The following MAF variants were observed in gnomAD, a reference collection of about 807,000 sequenced individuals.
The protein encoded by MAF is MAF bZIP transcription factor, also known as transcription factor Maf.
A neutral mutation model predicts 22.0 loss-of-function variants in MAF; 10 were observed. The ratio of observed to expected loss-of-function variants is 0.45; its 90% confidence interval spans 0.28 to 0.77. The LOEUF is 0.77. Ranked by LOEUF, MAF falls within the 30% of genes least tolerant of loss-of-function variation. MAF has a pLI of 0.12. For synonymous variants in MAF, 337 were observed against 255.8 expected, an observed-to-expected ratio of 1.32 and a Z score of -3.03; for missense variants, 544 against 548.4, an observed-to-expected ratio of 0.99 and a Z score of 0.08.
the MAF span, among the ~76,000 whole-genome samples, chr16:79,474,238 C>T: frequency 6.6e-6 from 1 of 152,208 alleles, no homozygotes; most frequent in Non-Finnish European, 1.5e-5. Context: ...GAAAATGATC[C>T]TGCTGGAAAC....
the MAF span, among the ~76,000 whole-genome samples, chr16:79,375,799 T>G: frequency 6.6e-6 from 1 of 152,178 alleles, no homozygotes; most frequent in African/African-American, 2.4e-5. Flanking sequence ...CTGCTGCATT[T>G]TGGCAAATCC....
the MAF span, among the ~76,000 whole-genome samples, chr16:79,490,215 A>G: frequency 6.6e-6 from 1 of 152,324 alleles, no homozygotes; most frequent in Admixed American, 6.5e-5. Context: ...ATCTGCCTGA[A>G]CTGCTGTGCG....
chr16:79,458,012 A>T, the MAF span, among the ~76,000 whole-genome samples: 1 of 151,756 alleles, frequency 6.6e-6, no homozygotes, highest in East Asian at 1.9e-4. Context: ...CTCATTAGAG[A>T]TATTTTTTTT....
chr16:79,574,828 G>A, the MAF span, among the ~76,000 whole-genome samples: 1 of 152,082 alleles, frequency 6.6e-6, no homozygotes, highest in Non-Finnish European at 1.5e-5. Flanking sequence ...ATGAAGCAGG[G>A]GAAATGCAAA....
At chr16:79,244,896 C>T in the MAF span, among the ~76,000 whole-genome samples, 2 of 151,884 alleles carry the variant, frequency 1.3e-5, no homozygotes, top group East Asian at 3.9e-4. Context: ...GGAACAGAGG[C>T]CTCAGAAATA....
In MAF at chr16:79,600,151, G is replaced by T. The variant is rs1261402139; in HGVS notation, c.-249C>A. 14 of 426,058 alleles carry T rather than the reference G, an allele frequency of 3.3e-5. 1 individual carries two copies. Among genetic ancestry groups the T allele is most frequent in the Non-Finnish European group, 5.2e-5 (13 of 248,490 alleles). 26.4% of individuals were successfully genotyped at this position (426,058 alleles called of 1,614,324 possible). A position where few individuals can be genotyped will look rare whatever the true frequency, so the allele number is the denominator to read the frequency against. Reference sequence around the variant, plus strand: ...GCCAATGTGCTCCCTCGCTCGCCCCGGCCCCTCCTTGCTCGCTCGCCTCCT... The same window carrying T: ...GCCAATGTGCTCCCTCGCTCGCCCCTGCCCCTCCTTGCTCGCTCGCCTCCT... On this transcript the variant is annotated 5_prime_UTR_variant, in exon 1 of 2. Transcript: ENST00000326043.
chr16:79,483,932 T>C, the MAF span, among the ~76,000 whole-genome samples: 282 of 152,284 alleles, frequency 1.9e-3, no homozygotes, highest in Non-Finnish European at 3.0e-3. Context: ...CAGGAATGTG[T>C]TACCCCTCCT....
chr16:79,581,768 CCG>C (rs1912534625), downstream of MAF, among the ~76,000 whole-genome samples: 1 of 152,212 alleles, frequency 6.6e-6, no homozygotes, highest in Non-Finnish European at 1.5e-5. Context: ...GTCAGGCTCA[CCG>C]TACTGATGAT....
chr16:79,205,671 G>T, the MAF span: 1 of 152,118 alleles, frequency 6.6e-6, no homozygotes, highest in Non-Finnish European at 1.5e-5. Context: ...ACTCCCAAAG[G>T]TTTATGAAGA....
the MAF span, among the ~76,000 whole-genome samples, chr16:79,255,058 G>A: frequency 1.6e-4 from 24 of 152,242 alleles, no homozygotes; most frequent in Non-Finnish European, 2.9e-4. Flanking sequence ...ACTGTTCACC[G>A]GTGCAGTTTT....
At chr16:79,468,959 T>G in the MAF span, among the ~76,000 whole-genome samples, 3 of 152,178 alleles carry the variant, frequency 2.0e-5, no homozygotes, top group Admixed American at 6.5e-5. Context: ...AATAGCCATC[T>G]TCCATATAAA....
At chr16:79,538,230 G>T in the MAF span, among the ~76,000 whole-genome samples, 5 of 152,136 alleles carry the variant, frequency 3.3e-5, no homozygotes, top group African/African-American at 1.2e-4. Flanking sequence ...ATAAATAGAT[G>T]AATGAAGTAA....
chr16:79,376,421 G>C, the MAF span, among the ~76,000 whole-genome samples: 2 of 152,040 alleles, frequency 1.3e-5, no homozygotes, highest in African/African-American at 4.8e-5. Flanking sequence ...CTATGACCCA[G>C]GGATTCCACC....
the MAF span, among the ~76,000 whole-genome samples, chr16:79,485,833 G>T: frequency 6.6e-6 from 1 of 152,070 alleles, no homozygotes; most frequent in African/African-American, 2.4e-5. Flanking sequence ...TGGCCCAGGG[G>T]CGGCCAGCGG....
chr16:79,415,448 T>C, the MAF span, among the ~76,000 whole-genome samples: 1 of 152,122 alleles, frequency 6.6e-6, no homozygotes, highest in South Asian at 2.1e-4. Context: ...TTCAGGACTC[T>C]AGCCATTGAA....
chr16:79,337,372 C>T, the MAF span, among the ~76,000 whole-genome samples: 69 of 152,222 alleles, frequency 4.5e-4, no homozygotes, highest in Non-Finnish European at 7.8e-4. Context: ...GAGTTCCAGA[C>T]CAGCCTGGCC....
At chr16:79,237,130 A>C in the MAF span, among the ~76,000 whole-genome samples, 2 of 152,004 alleles carry the variant, frequency 1.3e-5, no homozygotes, top group African/African-American at 4.8e-5. Context: ...CCAAATAATA[A>C]ACTGGTCTGG....
the MAF span, among the ~76,000 whole-genome samples, chr16:79,288,217 G>A: frequency 0.064 from 9,681 of 152,222 alleles, 1,011 homozygotes; most frequent in African/African-American, 0.22. Context: ...CCATCAAGAG[G>A]TGGGGTGTGT....
At chr16:79,399,219 G>T in the MAF span, among the ~76,000 whole-genome samples, 1 of 152,176 alleles carries the variant, frequency 6.6e-6, no homozygotes, top group South Asian at 2.1e-4. Flanking sequence ...TCAGGTTTCA[G>T]ATCTATCAAA....
Sources: gnomAD v4.1 joint callset for allele counts (sites outside exome capture counted in the v4.1 genomes callset) on GRCh38, gnomAD v4.1.1 for gene constraint, MANE v1.5 for transcripts, NCBI Gene and HGNC (gene_info 2026-07-23, HGNC 2026-07-21) for gene names.